Variants in PLA2R1 observed in about 807,000 individuals in gnomAD.
PLA2R1 encodes the protein phospholipase A2 receptor 1.
PLA2R1 carries 158 observed loss-of-function variants against 195.9 expected under a neutral mutation model. The observed-to-expected ratio is 0.81, with a 90% CI of 0.71 to 0.92. The LOEUF (loss-of-function observed/expected upper bound fraction) is 0.92. Ranked by LOEUF, PLA2R1 falls within the 40% of genes least tolerant of loss-of-function variation. The pLI is 0.00. For synonymous variants in PLA2R1, 586 were observed against 598.2 expected (o/e 0.98, Z 0.30); for missense variants, 1,626 against 1,764.6 (o/e 0.92, Z 1.41).
chr2:159,951,376 T>C lies in PLA2R1; in HGVS notation c.3504A>G (p.Leu1168=), dbSNP rs560714512. The C allele has an allele frequency of 6.2e-7, 1 of 1,613,110 alleles. No homozygotes were observed. The highest frequency in any genetic ancestry group is 1.7e-5 in the Admixed American group (1 of 60,018). ...QSFLTVVLNR[L]GYAHWIGLFT... ...ACAGTCCAATCCAGTGGGCATATCC[T>C]AGCCGGTTGAGGACAACAGTGAGGA... The change falls in exon 24 of 30, where the codon CTA becomes CTG. Residue 1168 remains leucine (L), a synonymous_variant. Coordinates refer to ENST00000283243, the MANE Select transcript of PLA2R1 (RefSeq NM_007366.5).
intron 19 of PLA2R1, among the ~76,000 whole-genome samples, chr2:159,969,004 C>G (rs1688965607): frequency 6.6e-6 from 1 of 151,928 alleles, no homozygotes; most frequent in Admixed American, 6.6e-5. Flanking sequence ...TTCATTGGGC[C>G]CATTTCTGGT....
intron 9 of PLA2R1, 123 bp downstream of exon 9, chr2:160,016,491 A>T: frequency 3.0e-6 from 2 of 656,004 alleles, no homozygotes; most frequent in Admixed American, 2.5e-5. Context: ...GCGAGGAGAG[A>T]GAGAGAGATG....
At chr2:160,022,189 C>T (rs575554572) in intron 7 of PLA2R1, among the ~76,000 whole-genome samples, 41 of 152,266 alleles carry the variant, frequency 2.7e-4, no homozygotes, top group Admixed American at 1.8e-3. Context: ...TCAGGCTGTG[C>T]GGAAGCCAGG....
chr2:159,972,238 T>C (rs1574704149), intron 17 of PLA2R1, among the ~76,000 whole-genome samples: 1 of 152,094 alleles, frequency 6.6e-6, no homozygotes, highest in Non-Finnish European at 1.5e-5. Context: ...CTGAACTTCA[T>C]AGGAGATGCT....
At chr2:159,965,173 T>C (rs551092228) in intron 20 of PLA2R1, among the ~76,000 whole-genome samples, 81 of 152,312 alleles carry the variant, frequency 5.3e-4, no homozygotes, top group African/African-American at 1.7e-3. Flanking sequence ...CCAAAGTCCA[T>C]AGTTTACATT....
chr2:160,034,532 A>G (rs191699620), intron 3 of PLA2R1, among the ~76,000 whole-genome samples: 116 of 152,354 alleles, frequency 7.6e-4, no homozygotes, highest in African/African-American at 2.6e-3. Context: ...TGAGAAGGAC[A>G]ATATACTACT....
intron 17 of PLA2R1, among the ~76,000 whole-genome samples, chr2:159,971,713 C>T (rs1689203567): frequency 6.6e-6 from 1 of 151,984 alleles, no homozygotes. Flanking sequence ...TAAATTTGTA[C>T]TCTCGTTTCT....
chr2:159,959,368 G>A (rs374920478), intron 20 of PLA2R1, among the ~76,000 whole-genome samples: 6 of 152,166 alleles, frequency 3.9e-5, no homozygotes, highest in Non-Finnish European at 7.4e-5. Flanking sequence ...GCTTGACTAC[G>A]GAAGTGTGGC....
In PLA2R1 at chr2:159,978,579, A is replaced by G. The variant is rs557209244; in HGVS notation, c.2269-1163T>C. Among the ~76,000 whole-genome samples the G allele has an allele frequency of 3.3e-5, 5 of 152,264 alleles. No individual in the cohort carries two copies. In the East Asian group the frequency reaches 9.6e-4, roughly 29 times the overall value. ...TTACTAATGAGTTTGTTATACTAAA[A>G]CAAAAGAAAGTGTTCTCAACTTCTA... On this transcript the variant is annotated intron_variant, in intron 14 of 29. Coordinates refer to ENST00000283243, the MANE Select transcript of PLA2R1 (RefSeq NM_007366.5).
At chr2:160,031,914 A>G (rs1237672769) in intron 4 of PLA2R1, among the ~76,000 whole-genome samples, 4 of 152,116 alleles carry the variant, frequency 2.6e-5, no homozygotes, top group African/African-American at 7.2e-5. Flanking sequence ...CTACGGGTGC[A>G]TGCCACCACG....
At chr2:159,975,615 G>A (rs750927721) in intron 17 of PLA2R1, among the ~76,000 whole-genome samples, 6 of 151,940 alleles carry the variant, frequency 3.9e-5, no homozygotes, top group Non-Finnish European at 7.4e-5. Flanking sequence ...TTTCCTCTGT[G>A]GCATTTATCC....
At chr2:159,952,725 C>A (rs1574656299) in intron 23 of PLA2R1, among the ~76,000 whole-genome samples, 1 of 152,140 alleles carries the variant, frequency 6.6e-6, no homozygotes, top group Non-Finnish European at 1.5e-5. Flanking sequence ...GATATCCACA[C>A]AAGGCACACA....
chr2:160,030,275 C>G (rs947905854), intron 4 of PLA2R1, among the ~76,000 whole-genome samples: 1 of 152,258 alleles, frequency 6.6e-6, no homozygotes, highest in South Asian at 2.1e-4. Flanking sequence ...GCATACTATA[C>G]ACGGGTTTCA....
intron 19 of PLA2R1, among the ~76,000 whole-genome samples, chr2:159,968,705 C>T (rs1688946403): frequency 6.6e-6 from 1 of 152,190 alleles, no homozygotes; most frequent in African/African-American, 2.4e-5. Flanking sequence ...CTACACTGCA[C>T]TGATGAGGAG....
chr2:160,049,506 T>C (rs1186344420), intron 1 of PLA2R1, among the ~76,000 whole-genome samples: 1 of 152,202 alleles, frequency 6.6e-6, no homozygotes, highest in Non-Finnish European at 1.5e-5. Context: ...ATCATGGGAA[T>C]TTGCCTAGCT....
intron 7 of PLA2R1, among the ~76,000 whole-genome samples, chr2:160,020,503 T>C (rs1693038540): frequency 6.6e-6 from 1 of 152,158 alleles, no homozygotes; most frequent in African/African-American, 2.4e-5. Flanking sequence ...AGTGTGGTAG[T>C]ATTGAGAAGG....
In PLA2R1 at chr2:160,022,821, G is replaced by C; in HGVS notation, c.1138C>G (p.Pro380Ala). Residue 380 changes from proline to alanine, a missense_variant, in exon 7 of 30, where the codon CCT becomes GCT. Pro to Ala is a conservative substitution (Grantham distance 27, BLOSUM62 -1). Transcript: ENST00000283243. ...AWKYYATHCE[P>A]GWNPYNRNCY... ...TTACGATTGTAGGGATTCCAGCCAG[G>C]CTCACAGTGGGTAGCATAATATTTC... The C allele has an allele frequency of 6.2e-7, 1 of 1,612,280 alleles. No homozygotes were observed. Among genetic ancestry groups the C allele is most frequent in the South Asian group, 1.1e-5 (1 of 90,790 alleles).
intron 28 of PLA2R1, among the ~76,000 whole-genome samples, chr2:159,943,561 A>G (rs1687210273): frequency 6.6e-6 from 1 of 152,134 alleles, no homozygotes; most frequent in African/African-American, 2.4e-5. Context: ...GAAAACTTAG[A>G]GTTTTCTCTG....
At chr2:159,984,724 T>C (rs1376033897) in intron 12 of PLA2R1, among the ~76,000 whole-genome samples, 1 of 152,174 alleles carries the variant, frequency 6.6e-6, no homozygotes, top group Non-Finnish European at 1.5e-5. Flanking sequence ...GCCAGATGAA[T>C]GGAAGGTCTT....
Sources: allele counts gnomAD v4.1 joint callset (sites outside exome capture counted in the v4.1 genomes callset), GRCh38; gene constraint gnomAD v4.1.1; transcripts MANE v1.5; gene names NCBI Gene and HGNC (gene_info 2026-07-23, HGNC 2026-07-21).